Variants in SLC4A10 observed in about 807,000 individuals in gnomAD.
The protein encoded by SLC4A10 is solute carrier family 4 member 10, also known as sodium-driven chloride bicarbonate exchanger.
Under a neutral mutation model 137.7 loss-of-function variants are expected in SLC4A10, and 42 were observed. The observed-to-expected ratio is 0.30, with a 90% CI of 0.24 to 0.39. The LOEUF (loss-of-function observed/expected upper bound fraction) is 0.39. SLC4A10 is among the 10% of genes least tolerant of loss of function. SLC4A10 has a pLI of 1.00. For synonymous variants in SLC4A10, 474 were observed against 464.1 expected (o/e 1.02, Z -0.27); for missense variants, 925 against 1,355.0 (o/e 0.68, Z 4.98).
chr2:161,974,801 A>G (rs59780371), intron 24 of SLC4A10, among the ~76,000 whole-genome samples: 2,009 of 152,278 alleles, frequency 0.013, 40 homozygotes, highest in East Asian at 0.099. Flanking sequence ...AAAATTTTCT[A>G]ATCTTCTTTA....
At chr2:161,800,450 A>C (rs2055257633) in intron 2 of SLC4A10, among the ~76,000 whole-genome samples, 1 of 152,030 alleles carries the variant, frequency 6.6e-6, no homozygotes, top group Admixed American at 6.6e-5. Flanking sequence ...GGGATACATC[A>C]GTCGACAAAT....
chr2:161,832,734 T>C (rs1483823896), intron 3 of SLC4A10, among the ~76,000 whole-genome samples: 1 of 149,934 alleles, frequency 6.7e-6, no homozygotes, highest in Non-Finnish European at 1.5e-5. Context: ...GTTGTTGTTG[T>C]TTTGTTTTGT....
chr2:161,901,202 G>C, intron 12 of SLC4A10, 191 bp downstream of exon 12: 2 of 553,106 alleles, frequency 3.6e-6, no homozygotes, highest in South Asian at 4.4e-5. Context: ...TAAAACAGTG[G>C]ATACACCCTT....
chr2:161,804,683 C>A, intron 3 of SLC4A10, 88 bp downstream of exon 3: 1 of 1,201,732 alleles, frequency 8.3e-7, no homozygotes, highest in Non-Finnish European at 1.1e-6. Flanking sequence ...ACCTTATACT[C>A]ATAAAATTGT....
At chr2:161,872,161 G>A in intron 6 of SLC4A10, 132 bp from the exon 7 acceptor site, 1 of 504,678 alleles carries the variant, frequency 2.0e-6, no homozygotes, top group Admixed American at 3.3e-5. Context: ...TATTTATATT[G>A]ACCCTTCATT....
chr2:161,818,231 T>A (rs151290024), intron 3 of SLC4A10, among the ~76,000 whole-genome samples: 3 of 152,270 alleles, frequency 2.0e-5, no homozygotes, highest in East Asian at 3.9e-4. Flanking sequence ...TATTTTATTC[T>A]CTTTGAAGCA....
chr2:161,658,124 A>C (rs1164915188), intron 1 of SLC4A10, among the ~76,000 whole-genome samples: 2 of 152,166 alleles, frequency 1.3e-5, no homozygotes, highest in Admixed American at 1.3e-4. Flanking sequence ...TTTAGGAGAT[A>C]GTCAGTCTTT....
chr2:161,931,613 G>A (rs1159832219), intron 15 of SLC4A10: 1 of 152,126 alleles, frequency 6.6e-6, no homozygotes, highest in East Asian at 1.9e-4. Flanking sequence ...CAGAGTAAAA[G>A]CATAAAATGG....
At chr2:161,755,178 C>A (rs942958308) in intron 1 of SLC4A10, among the ~76,000 whole-genome samples, 1 of 152,162 alleles carries the variant, frequency 6.6e-6, no homozygotes, top group Non-Finnish European at 1.5e-5. Flanking sequence ...ATGCAGTTTT[C>A]CCCCTAAATT....
At chr2:161,758,810 G>T (rs1003565162) in intron 1 of SLC4A10, among the ~76,000 whole-genome samples, 3 of 151,950 alleles carry the variant, frequency 2.0e-5, no homozygotes, top group African/African-American at 7.2e-5. Context: ...TCCATAGTAT[G>T]TAAACTTTGT....
chr2:161,836,010 A>G (rs922739552), intron 3 of SLC4A10, among the ~76,000 whole-genome samples: 2 of 152,210 alleles, frequency 1.3e-5, no homozygotes, highest in Non-Finnish European at 2.9e-5. Context: ...GACAAAGTGG[A>G]TGAACTTTTT....
chr2:161,901,655 C>T (rs1683142839), intron 12 of SLC4A10, among the ~76,000 whole-genome samples: 1 of 152,046 alleles, frequency 6.6e-6, no homozygotes, highest in South Asian at 2.1e-4. Flanking sequence ...AAAGGCTTTG[C>T]AGGATTGGTG....
At chr2:161,706,984 A>G (rs1408321353) in intron 1 of SLC4A10, among the ~76,000 whole-genome samples, 2 of 151,556 alleles carry the variant, frequency 1.3e-5, no homozygotes, top group African/African-American at 4.8e-5. Context: ...CCTATATAGT[A>G]CCTGACACAT....
At chr2:161,964,996 A>C in intron 22 of SLC4A10, 55 bp from the exon 23 acceptor site, 2 of 1,540,612 alleles carry the variant, frequency 1.3e-6, no homozygotes, top group Non-Finnish European at 1.8e-6. Flanking sequence ...AGGCAAATCT[A>C]CACCTCTCGT....
At chr2:161,885,305 G>T (rs2062171848) in intron 10 of SLC4A10, among the ~76,000 whole-genome samples, 1 of 152,220 alleles carries the variant, frequency 6.6e-6, no homozygotes, top group South Asian at 2.1e-4. Context: ...TAGTGCATTG[G>T]AGTGCATTAT....
rs1439287508 is a variant in SLC4A10, at chr2:161,646,432, A to AATTTC, written c.48+21867_48+21871dup. On this transcript the variant is annotated intron_variant, in intron 1 of 26. Coordinates refer to ENST00000446997, the MANE Select transcript of SLC4A10 (RefSeq NM_001178015.2). ...TATGCTAAAAATAAAGCAATGCAAAAATTTCTCTCTAACTTGTTTGAATTA... is the reference window on the plus strand; with the variant it reads ...TATGCTAAAAATAAAGCAATGCAAAAATTTCATTTCTCTCTAACTTGTTTGAATTA... 2.6e-5 allele frequency among the ~76,000 whole-genome samples: 4 copies of AATTTC among 152,124 alleles called. No homozygotes were observed. The East Asian group carries it at 7.7e-4, about 29-fold the overall frequency.
At chr2:161,797,519 G>A (rs1252264698) in intron 2 of SLC4A10, among the ~76,000 whole-genome samples, 1 of 147,530 alleles carries the variant, frequency 6.8e-6, no homozygotes. Flanking sequence ...TCATTGCTGG[G>A]CTTGATTCGT....
At chr2:161,942,353 C>A (rs1251485999) in intron 15 of SLC4A10, among the ~76,000 whole-genome samples, 1 of 152,148 alleles carries the variant, frequency 6.6e-6, no homozygotes, top group South Asian at 2.1e-4. Context: ...CTTCTTCTCA[C>A]TGATATATCC....
intron 3 of SLC4A10, among the ~76,000 whole-genome samples, chr2:161,820,131 C>T (rs1285900673): frequency 6.6e-6 from 1 of 152,068 alleles, no homozygotes; most frequent in African/African-American, 2.4e-5. Flanking sequence ...TAACACAGTC[C>T]TGGAATTATA....
Sources: gnomAD v4.1 joint callset for allele counts (sites outside exome capture counted in the v4.1 genomes callset) on GRCh38, gnomAD v4.1.1 for gene constraint, MANE v1.5 for transcripts, NCBI Gene and HGNC (gene_info 2026-07-23, HGNC 2026-07-21) for gene names.